SMAD3: variants seen among roughly 807,000 people sequenced by gnomAD.
SMAD3 encodes the protein MAD homolog 3.
A neutral mutation model predicts 51.8 loss-of-function variants in SMAD3; 12 were observed. The observed-to-expected ratio is 0.23, with a 90% confidence interval of 0.15 to 0.38. The LOEUF (loss-of-function observed/expected upper bound fraction) is 0.38, where lower values mean the gene tolerates loss of function less well. SMAD3 is among the 10% of genes least tolerant of loss of function. The pLI is 1.00. For synonymous variants in SMAD3, 238 were observed against 227.7 expected (o/e 1.05, Z -0.41); for missense variants, 294 against 565.6 (o/e 0.52, Z 4.87).
chr15:67,110,925 C>T (rs141989478), intron 1 of SMAD3, among the ~76,000 whole-genome samples: 3 of 152,312 alleles, frequency 2.0e-5, no homozygotes, highest in African/African-American at 7.2e-5. Context: ...TCAGAAACAA[C>T]ATTGGTACAT....
intron 2 of SMAD3, 53 bp from the exon 3 acceptor site, chr15:67,165,200 G>A: frequency 6.2e-7 from 1 of 1,614,004 alleles, no homozygotes; most frequent in Non-Finnish European, 8.5e-7. Flanking sequence ...GGGGACTTTG[G>A]TGCTGGTCTG....
At chr15:67,120,787 A>C (rs1961240987) in intron 1 of SMAD3, among the ~76,000 whole-genome samples, 1 of 152,224 alleles carries the variant, frequency 6.6e-6, no homozygotes, top group Admixed American at 6.5e-5. Flanking sequence ...CGTGGGCCGC[A>C]TGTAGCCCAG....
At chr15:67,178,530 T>C (rs1303613617) in intron 5 of SMAD3, among the ~76,000 whole-genome samples, 1 of 152,170 alleles carries the variant, frequency 6.6e-6, no homozygotes, top group Non-Finnish European at 1.5e-5. Flanking sequence ...ACAGTGATTG[T>C]ACGGACTACA....
chr15:67,169,189 C>A (rs1962675764), intron 4 of SMAD3, among the ~76,000 whole-genome samples: 1 of 151,978 alleles, frequency 6.6e-6, no homozygotes, highest in Admixed American at 6.6e-5. Flanking sequence ...ACGGCTTAGC[C>A]AAACTCACGT....
intron 7 of SMAD3, among the ~76,000 whole-genome samples, chr15:67,186,465 C>T (rs1244386496): frequency 6.6e-6 from 1 of 152,162 alleles, no homozygotes; most frequent in African/African-American, 2.4e-5. Context: ...GACACAGGGT[C>T]CCCAAGAGAA....
chr15:67,092,033 C>T (rs1245419909), intron 1 of SMAD3, among the ~76,000 whole-genome samples: 1 of 152,298 alleles, frequency 6.6e-6, no homozygotes, highest in South Asian at 2.1e-4. Flanking sequence ...GCAGTTGCAG[C>T]TGCTTCTAAA....
chr15:67,107,029 C>T (rs557373094), intron 1 of SMAD3, among the ~76,000 whole-genome samples: 1 of 152,208 alleles, frequency 6.6e-6, no homozygotes, highest in East Asian at 1.9e-4. Flanking sequence ...GTCTGCACGA[C>T]TTGGCTTCTG....
At chr15:67,102,874 T>C (rs1960791968) in intron 1 of SMAD3, among the ~76,000 whole-genome samples, 1 of 152,212 alleles carries the variant, frequency 6.6e-6, no homozygotes, top group African/African-American at 2.4e-5. Flanking sequence ...TCCTCTTCAA[T>C]GTGCTTTGTC....
At chr15:67,177,364 T>C (rs562303634) in intron 5 of SMAD3, among the ~76,000 whole-genome samples, 2 of 151,418 alleles carry the variant, frequency 1.3e-5, no homozygotes, top group South Asian at 2.1e-4. Flanking sequence ...TCTCTGGTAC[T>C]AACCAGGGTA....
At chr15:67,117,233 G>A (rs1402814182) in intron 1 of SMAD3, among the ~76,000 whole-genome samples, 2 of 152,154 alleles carry the variant, frequency 1.3e-5, no homozygotes, top group Admixed American at 1.3e-4. Context: ...TGGTAATTAG[G>A]ATACACAATT....
At chr15:67,129,720 A>G (rs563847051) in intron 1 of SMAD3, among the ~76,000 whole-genome samples, 8 of 152,252 alleles carry the variant, frequency 5.3e-5, no homozygotes, top group Admixed American at 3.9e-4. Context: ...TTTAAATACT[A>G]TATCTTGTTT....
At chr15:67,111,754 A>G (rs2140234601) in intron 1 of SMAD3, among the ~76,000 whole-genome samples, 1 of 152,138 alleles carries the variant, frequency 6.6e-6, no homozygotes, top group South Asian at 2.1e-4. Context: ...AATGATATTG[A>G]TCATCTCTCC....
intron 5 of SMAD3, among the ~76,000 whole-genome samples, chr15:67,172,928 C>T (rs1360512417): frequency 6.6e-6 from 1 of 152,170 alleles, no homozygotes; most frequent in Admixed American, 6.5e-5. Context: ...GCCCTGCCTG[C>T]TTGTATGCCT....
At chr15:67,071,276 C>T (rs936021184) in intron 1 of SMAD3, among the ~76,000 whole-genome samples, 6 of 152,110 alleles carry the variant, frequency 3.9e-5, no homozygotes, top group African/African-American at 1.4e-4. Flanking sequence ...GGGATAGTTC[C>T]CTATAAGAAT....
At position 67,183,029 on chromosome 15, in the gene SMAD3, A is replaced by AT. The variant is rs1567000858; in HGVS notation, c.871+1577dup. Reference sequence around the variant, plus strand: ...TATATATATATATATATATATATATATATTTTTTTTTTTTTTTTTTTTGGA... The same window carrying AT: ...TATATATATATATATATATATATATATTATTTTTTTTTTTTTTTTTTTTGGA... On this transcript the variant is annotated intron_variant, in intron 6 of 8. Coordinates refer to ENST00000327367, the MANE Select transcript of SMAD3 (RefSeq NM_005902.4). 2.5e-3 allele frequency among the ~76,000 whole-genome samples: 118 copies of AT among 48,110 alleles called. 2 individuals are homozygous for AT. Among genetic ancestry groups the AT allele is most frequent in the East Asian group, 0.022 (25 of 1,154 alleles). The allele number at this position is 48,110 out of a possible 152,430, so 31.6% of individuals were successfully genotyped here. A position where few individuals can be genotyped will look rare whatever the true frequency, so the allele number is the denominator to read the frequency against.
intron 1 of SMAD3, among the ~76,000 whole-genome samples, chr15:67,075,945 A>G (rs1029548247): frequency 1.3e-5 from 2 of 152,100 alleles, no homozygotes; most frequent in South Asian, 2.1e-4. Flanking sequence ...CAAGTGAGAT[A>G]AGATGTATCA....
chr15:67,161,739 A>G (rs1962436536), intron 1 of SMAD3, among the ~76,000 whole-genome samples: 1 of 152,142 alleles, frequency 6.6e-6, no homozygotes, highest in Non-Finnish European at 1.5e-5. Flanking sequence ...TAATAACGCT[A>G]ATTTGTGGGT....
At chr15:67,102,327 G>A (rs898493853) in intron 1 of SMAD3, among the ~76,000 whole-genome samples, 7 of 152,040 alleles carry the variant, frequency 4.6e-5, no homozygotes, top group African/African-American at 1.7e-4. Flanking sequence ...AAAAAAGCCA[G>A]GAGAGTAGGA....
At chr15:67,104,513 GC>G (rs1461846030) in intron 1 of SMAD3, among the ~76,000 whole-genome samples, 1 of 152,242 alleles carries the variant, frequency 6.6e-6, no homozygotes, top group Admixed American at 6.5e-5. Flanking sequence ...AAGGATTCCA[GC>G]CCCATAGGGC....
Sources: allele counts gnomAD v4.1 joint callset (sites outside exome capture counted in the v4.1 genomes callset), GRCh38; gene constraint gnomAD v4.1.1; transcripts MANE v1.5; gene names NCBI Gene and HGNC (gene_info 2026-07-23, HGNC 2026-07-21).